ZNF385D: variants seen among roughly 807,000 people sequenced by gnomAD.
ZNF385D encodes zinc finger protein 659.
In ZNF385D, 15 loss-of-function variants were observed where a neutral mutation model predicts 35.8. That is an observed-to-expected ratio of 0.42 (90% confidence interval 0.28 to 0.64). ZNF385D has a LOEUF of 0.64. Among genes scored for constraint, ZNF385D ranks in the 30% least tolerant of loss-of-function variants. The pLI, the probability that ZNF385D is intolerant of heterozygous loss-of-function variation, is 0.23. For missense variants in ZNF385D, 474 were observed against 494.6 expected, an observed-to-expected ratio of 0.96 and a Z score of 0.39; for synonymous variants, 212 against 186.8, an observed-to-expected ratio of 1.13 and a Z score of -1.10.
intron 1 of ZNF385D, among the ~76,000 whole-genome samples, chr3:21,745,280 G>A: frequency 6.6e-6 from 1 of 152,040 alleles, no homozygotes; most frequent in African/African-American, 2.4e-5. Flanking sequence ...GGCAAAAAAA[G>A]AAAAAACTGA....
At chr3:21,785,191 A>G (rs6803246) in intron 3 of ZNF385D, among the ~76,000 whole-genome samples, 139,502 of 152,124 alleles carry the variant, frequency 0.92, 64,105 homozygotes, top group East Asian at 0.98. Context: ...GCTAGAATGG[A>G]AACCCTGGTC....
chr3:21,890,846 C>T (rs1453587885), intron 3 of ZNF385D, among the ~76,000 whole-genome samples: 1 of 152,108 alleles, frequency 6.6e-6, no homozygotes, highest in Non-Finnish European at 1.5e-5. Context: ...CAAAGGAAAA[C>T]AGACACCATG....
At chr3:22,003,431 C>G (rs904662106) in intron 3 of ZNF385D, among the ~76,000 whole-genome samples, 1 of 152,108 alleles carries the variant, frequency 6.6e-6, no homozygotes, top group East Asian at 1.9e-4. Context: ...AAAGAGGACA[C>G]TAACAGATGG....
chr3:22,124,595 T>C (rs1260174749), intron 3 of ZNF385D, among the ~76,000 whole-genome samples: 2 of 152,290 alleles, frequency 1.3e-5, no homozygotes, highest in Non-Finnish European at 2.9e-5. Context: ...TTATTGCTCA[T>C]CTTTTGGATA....
At chr3:21,784,011 C>A (rs2071591094) in intron 3 of ZNF385D, among the ~76,000 whole-genome samples, 2 of 152,094 alleles carry the variant, frequency 1.3e-5, no homozygotes, top group Non-Finnish European at 2.9e-5. Flanking sequence ...GACTCACAGA[C>A]TGCAGTACAG....
chr3:21,504,633 G>A (rs1706634607), intron 4 of ZNF385D, among the ~76,000 whole-genome samples: 2 of 152,084 alleles, frequency 1.3e-5, no homozygotes, highest in African/African-American at 4.8e-5. Context: ...AATATGATAG[G>A]GCAACTAGAA....
At chr3:21,767,546 C>T (rs965910243) in intron 3 of ZNF385D, among the ~76,000 whole-genome samples, 2 of 151,984 alleles carry the variant, frequency 1.3e-5, no homozygotes, top group African/African-American at 2.4e-5. Flanking sequence ...AAGACAGAGC[C>T]AGAGTCACCA....
intron 3 of ZNF385D, among the ~76,000 whole-genome samples, chr3:22,050,406 G>A (rs1288178398): frequency 1.3e-5 from 2 of 151,982 alleles, no homozygotes; most frequent in Non-Finnish European, 2.9e-5. Context: ...ACCACAACAA[G>A]AAAACACACA....
intron 2 of ZNF385D, among the ~76,000 whole-genome samples, chr3:21,609,061 C>T (rs1167467266): frequency 6.6e-6 from 1 of 152,184 alleles, no homozygotes; most frequent in African/African-American, 2.4e-5. Flanking sequence ...GAGGAGTTAC[C>T]TGGGAGTTGT....
At chr3:21,614,842 C>T (rs1042763949) in intron 2 of ZNF385D, among the ~76,000 whole-genome samples, 3 of 152,192 alleles carry the variant, frequency 2.0e-5, no homozygotes, top group Non-Finnish European at 2.9e-5. Flanking sequence ...CTGCCTCGGC[C>T]TCCCGAAGTG....
intron 1 of ZNF385D, among the ~76,000 whole-genome samples, chr3:21,746,083 A>T (rs1244830947): frequency 6.6e-6 from 1 of 152,192 alleles, no homozygotes; most frequent in African/African-American, 2.4e-5. Flanking sequence ...ACCAACCAAC[A>T]CATCTTGTCT....
intron 3 of ZNF385D, among the ~76,000 whole-genome samples, chr3:21,763,477 G>A (rs1296331579): frequency 6.6e-6 from 1 of 152,164 alleles, no homozygotes; most frequent in Non-Finnish European, 1.5e-5. Flanking sequence ...TCAGCTTTGA[G>A]AAACTTCCAT....
chr3:22,247,638 T>TATTTATTTATTC (rs1335354554), intron 2 of ZNF385D, among the ~76,000 whole-genome samples: 1 of 151,858 alleles, frequency 6.6e-6, no homozygotes, highest in African/African-American at 2.4e-5. Context: ...TTTATTTATT[T>TATTTATTTATTC]ATTTATTGAG....
chr3:22,252,717 G>A (rs1700124998), intron 2 of ZNF385D, among the ~76,000 whole-genome samples: 1 of 152,008 alleles, frequency 6.6e-6, no homozygotes. Context: ...GACAGAGATG[G>A]CATGGAAAAG....
At chr3:21,690,935 A>T (rs1237218440) in intron 1 of ZNF385D, among the ~76,000 whole-genome samples, 2 of 152,060 alleles carry the variant, frequency 1.3e-5, no homozygotes, top group East Asian at 3.9e-4. Context: ...CCTCCTTCAA[A>T]ATCTTGGAAC....
At chr3:22,288,636 T>G (rs1702144548) in intron 2 of ZNF385D, among the ~76,000 whole-genome samples, 1 of 152,148 alleles carries the variant, frequency 6.6e-6, no homozygotes, top group African/African-American at 2.4e-5. Flanking sequence ...GTTGATATTT[T>G]GCTCCCCTAA....
chr3:22,197,212 T>G (rs778678162), intron 2 of ZNF385D, among the ~76,000 whole-genome samples: 17 of 152,056 alleles, frequency 1.1e-4, no homozygotes, highest in South Asian at 4.1e-4. Context: ...AATTTGTAAT[T>G]TGACATATTT....
intron 3 of ZNF385D, among the ~76,000 whole-genome samples, chr3:21,959,995 T>C (rs1445360270): frequency 3.7e-5 from 5 of 135,566 alleles, no homozygotes; most frequent in African/African-American, 1.4e-4. Flanking sequence ...AAATATTTGA[T>C]GGCTAAGACT....
intron 3 of ZNF385D, among the ~76,000 whole-genome samples, chr3:22,111,179 T>TTTTTTA (rs1702506713): frequency 7.5e-6 from 1 of 132,598 alleles, no homozygotes. Context: ...TTTTTTTTGT[T>TTTTTTA]TTTTTTGTAC....
Sources: allele counts gnomAD v4.1 joint callset (sites outside exome capture counted in the v4.1 genomes callset), GRCh38; gene constraint gnomAD v4.1.1; transcripts MANE v1.5; gene names NCBI Gene and HGNC (gene_info 2026-07-23, HGNC 2026-07-21).